Variants in TUSC3 observed in about 807,000 individuals in gnomAD.
The protein encoded by TUSC3 is dolichyl-diphosphooligosaccharide--protein glycosyltransferase subunit TUSC3.
A neutral mutation model predicts 44.8 loss-of-function variants in TUSC3; 45 were observed. That is an observed-to-expected ratio of 1.00 (90% CI 0.79 to 1.29). The LOEUF (loss-of-function observed/expected upper bound fraction) is 1.29. Ranked by LOEUF, TUSC3 falls within the 50% of genes most tolerant of loss-of-function variation. The pLI is 0.00. For synonymous variants in TUSC3, 212 were observed against 152.9 expected (o/e 1.39, Z -2.85); for missense variants, 519 against 437.9 (o/e 1.19, Z -1.65).
At chr8:15,444,060 T>A (rs1279804014) in intron 1 of TUSC3, among the ~76,000 whole-genome samples, 1 of 152,198 alleles carries the variant, frequency 6.6e-6, no homozygotes, top group Non-Finnish European at 1.5e-5. Flanking sequence ...CAGAACCAGT[T>A]CTGTATGAAT....
In TUSC3 at chr8:15,568,966, G is replaced by A. The variant is rs946442482; in HGVS notation, c.138+28398G>A. ...GTTGACTACTTTCTTTAGTCATTCA[G>A]GAGGAAATAACTATTTTGTTTAGTA... On this transcript the variant is annotated intron_variant, in intron 1 of 10. Transcript: ENST00000503731. Among the ~76,000 whole-genome samples, 7 of 152,024 alleles carry A rather than the reference G, an allele frequency of 4.6e-5. No homozygotes were observed. In the South Asian group the frequency reaches 1.2e-3, roughly 27 times the overall value.
the TUSC3 span, among the ~76,000 whole-genome samples, chr8:15,817,953 C>G: frequency 6.6e-6 from 1 of 152,086 alleles, no homozygotes; most frequent in Non-Finnish European, 1.5e-5. Context: ...AAGCCCCTGA[C>G]TTATACCGGT....
At chr8:15,499,640 C>G (rs947274072) in intron 2 of TUSC3, among the ~76,000 whole-genome samples, 1 of 152,066 alleles carries the variant, frequency 6.6e-6, no homozygotes, top group African/African-American at 2.4e-5. Flanking sequence ...CTTCACTGGT[C>G]CACGGGGTGC....
intron 2 of TUSC3, among the ~76,000 whole-genome samples, chr8:15,646,697 G>A (rs1806648514): frequency 1.3e-5 from 2 of 151,970 alleles, no homozygotes; most frequent in Non-Finnish European, 2.9e-5. Context: ...TGCAGAAGAG[G>A]CCCTTGCACT....
the TUSC3 span, among the ~76,000 whole-genome samples, chr8:15,810,667 A>C: frequency 6.6e-6 from 1 of 152,092 alleles, no homozygotes; most frequent in Non-Finnish European, 1.5e-5. Context: ...GGGAAAGAAA[A>C]TCAAAATATT....
At chr8:15,772,704 T>C in the TUSC3 span, among the ~76,000 whole-genome samples, 1 of 152,290 alleles carries the variant, frequency 6.6e-6, no homozygotes, top group Admixed American at 6.5e-5. Context: ...AAGAAAATTA[T>C]CTCCTATGTA....
chr8:15,593,293 C>G (rs945892353), intron 1 of TUSC3, among the ~76,000 whole-genome samples: 4 of 151,966 alleles, frequency 2.6e-5, no homozygotes, highest in Non-Finnish European at 4.4e-5. Flanking sequence ...ACCATGTTTA[C>G]CAGGTTGGTC....
chr8:15,823,176 G>A, the TUSC3 span, among the ~76,000 whole-genome samples: 1 of 152,116 alleles, frequency 6.6e-6, no homozygotes, highest in Non-Finnish European at 1.5e-5. Context: ...CAGTTCCTCT[G>A]ATCCTGTTTA....
chr8:15,643,824 T>C (rs998954330), intron 2 of TUSC3, among the ~76,000 whole-genome samples: 1 of 152,186 alleles, frequency 6.6e-6, no homozygotes, highest in Non-Finnish European at 1.5e-5. Context: ...ATCAGTTGTT[T>C]TTTTCTTCTC....
At chr8:15,586,902 C>T (rs1320460476) in intron 1 of TUSC3, among the ~76,000 whole-genome samples, 4 of 152,126 alleles carry the variant, frequency 2.6e-5, no homozygotes. Context: ...GCCCCACTGA[C>T]CTCCTGATTT....
intron 1 of TUSC3, among the ~76,000 whole-genome samples, chr8:15,593,437 G>A (rs534624991): frequency 6.6e-6 from 1 of 152,132 alleles, no homozygotes; most frequent in South Asian, 2.1e-4. Context: ...AAATAATATG[G>A]CCTGTGTTTT....
At chr8:15,573,586 G>T (rs553510479) in intron 1 of TUSC3, among the ~76,000 whole-genome samples, 7 of 152,072 alleles carry the variant, frequency 4.6e-5, no homozygotes, top group East Asian at 3.9e-4. Flanking sequence ...AGAGGGAGCC[G>T]CTGGTGGATG....
chr8:15,695,077 G>A (rs757675454), intron 6 of TUSC3, among the ~76,000 whole-genome samples: 35 of 152,324 alleles, frequency 2.3e-4, no homozygotes, highest in East Asian at 7.7e-4. Flanking sequence ...GCAGCGCAGC[G>A]TTTGCGGAGA....
rs539990637 is a variant in TUSC3, at chr8:15,659,789, A to G, written c.567+142A>G. On this transcript the variant is annotated intron_variant, in intron 4 of 10. Coordinates refer to ENST00000503731, the MANE Select transcript of TUSC3 (RefSeq NM_006765.4). ...AGAGAAAACTGTTCGATTACTGCAAATGATAAGTTGGACTATTAGCTGAAT... is the reference window on the plus strand; with the variant it reads ...AGAGAAAACTGTTCGATTACTGCAAGTGATAAGTTGGACTATTAGCTGAAT... The G allele has an allele frequency of 3.9e-4, 416 of 1,069,260 alleles. 5 individuals are homozygous for G. The highest frequency in any genetic ancestry group is 2.7e-3 in the South Asian group (205 of 74,924). The allele number at this position is 1,069,260 out of a possible 1,614,324, so 66.2% of individuals were successfully genotyped here.
At chr8:15,533,565 G>A (rs1295376506) in intron 2 of TUSC3, among the ~76,000 whole-genome samples, 2 of 152,202 alleles carry the variant, frequency 1.3e-5, no homozygotes, top group Non-Finnish European at 2.9e-5. Flanking sequence ...AGGGAGGTAT[G>A]TAGCTTTTTA....
At chr8:15,820,710 C>G in the TUSC3 span, among the ~76,000 whole-genome samples, 1 of 151,936 alleles carries the variant, frequency 6.6e-6, no homozygotes, top group African/African-American at 2.4e-5. Flanking sequence ...TTGCACTCTT[C>G]CTATTTTCTG....
At chr8:15,613,228 C>G (rs1012078702) in intron 1 of TUSC3, among the ~76,000 whole-genome samples, 8 of 139,310 alleles carry the variant, frequency 5.7e-5, no homozygotes, top group African/African-American at 2.2e-4. Flanking sequence ...ACATGTCTTA[C>G]AGTGCTTTTT....
intron 1 of TUSC3, among the ~76,000 whole-genome samples, chr8:15,564,434 A>T (rs1399789197): frequency 6.6e-6 from 1 of 152,180 alleles, no homozygotes; most frequent in Non-Finnish European, 1.5e-5. Context: ...ACCGTATATT[A>T]TTACTGAATA....
chr8:15,502,033 A>C (rs777866265), intron 2 of TUSC3, among the ~76,000 whole-genome samples: 1 of 152,148 alleles, frequency 6.6e-6, no homozygotes, highest in African/African-American at 2.4e-5. Flanking sequence ...TTAATCATCT[A>C]TTGGTTTCCT....
Sources: gnomAD v4.1 joint callset for allele counts (sites outside exome capture counted in the v4.1 genomes callset) on GRCh38, gnomAD v4.1.1 for gene constraint, MANE v1.5 for transcripts, NCBI Gene and HGNC (gene_info 2026-07-23, HGNC 2026-07-21) for gene names.